Variants in ATP6V1B1 observed in about 807,000 individuals in gnomAD.
ATP6V1B1 encodes V-type proton ATPase subunit B, kidney isoform.
A neutral mutation model predicts 62.1 loss-of-function variants in ATP6V1B1; 41 were observed. The ratio of observed to expected loss-of-function variants is 0.66; its 90% confidence interval spans 0.51 to 0.86. ATP6V1B1 has a LOEUF of 0.86. Among genes scored for constraint, ATP6V1B1 ranks in the 40% least tolerant of loss-of-function variants. The pLI is 0.00. For synonymous variants in ATP6V1B1, 253 were observed against 273.4 expected, an observed-to-expected ratio of 0.93 and a Z score of 0.74; for missense variants, 651 against 697.5, an observed-to-expected ratio of 0.93 and a Z score of 0.75.
At chr2:70,939,196 CT>C (rs1679926984) in intron 1 of ATP6V1B1, 1 of 152,420 alleles carries the variant, frequency 6.6e-6, no homozygotes, top group Non-Finnish European at 1.5e-5. Flanking sequence ...CCCGCTGAGC[CT>C]TTGACAGAAA....
At chr2:70,936,757 T>C (rs1353381049) in intron 1 of ATP6V1B1, among the ~76,000 whole-genome samples, 1 of 152,174 alleles carries the variant, frequency 6.6e-6, no homozygotes, top group African/African-American at 2.4e-5. Flanking sequence ...AGAACACTTG[T>C]GTATGTGTTC....
At chr2:70,961,796 T>C in intron 8 of ATP6V1B1, 103 bp downstream of exon 8, 3 of 1,139,112 alleles carry the variant, frequency 2.6e-6, no homozygotes, top group South Asian at 2.5e-5. Context: ...ACTACAGCCA[T>C]ACGCCAGAGC....
At chr2:70,951,635 C>T (rs1468510888) in intron 2 of ATP6V1B1, among the ~76,000 whole-genome samples, 3 of 152,154 alleles carry the variant, frequency 2.0e-5, no homozygotes, top group African/African-American at 4.8e-5. Context: ...CGGCCAGGCG[C>T]GGTGGCTCAT....
At chr2:70,951,234 C>T (rs1281725944) in intron 2 of ATP6V1B1, among the ~76,000 whole-genome samples, 2 of 152,112 alleles carry the variant, frequency 1.3e-5, no homozygotes, top group Admixed American at 6.5e-5. Flanking sequence ...TGATCCACTG[C>T]GCCCGGCCTT....
chr2:70,956,648 G>A (rs936531973), intron 2 of ATP6V1B1, among the ~76,000 whole-genome samples: 1 of 152,068 alleles, frequency 6.6e-6, no homozygotes, highest in Non-Finnish European at 1.5e-5. Context: ...TGTTGGCCAG[G>A]CTGGAGTACA....
intron 2 of ATP6V1B1, 80 bp from the exon 3 acceptor site, chr2:70,957,966 T>C: frequency 2.3e-6 from 3 of 1,299,488 alleles, no homozygotes; most frequent in East Asian, 4.9e-5. Flanking sequence ...AGTTTGGGAC[T>C]GGGTCAGGGA....
chr2:70,938,933 TTCC>T (rs1288703794), intron 1 of ATP6V1B1, among the ~76,000 whole-genome samples: 6 of 152,238 alleles, frequency 3.9e-5, no homozygotes, highest in Non-Finnish European at 8.8e-5. Flanking sequence ...CCACCTCGGT[TTCC>T]TCAACTGGAA....
Position 70,936,063 on chromosome 2 carries a change from C to T in ATP6V1B1, c.109C>T (p.Pro37Ser). 3.1e-6 allele frequency: 5 copies of T among 1,614,030 alleles called. No individual in the cohort carries two copies. Among genetic ancestry groups the T allele is most frequent in the Non-Finnish European group, 3.4e-6 (4 of 1,179,936 alleles). ...QAVTRNYITH[P>S]RVTYRTVCSV... ...GGTCACCCGAAACTACATCACCCAC[C>T]CCCGTGTCAGTGAGTAGCCCCTCCA... Residue 37 changes from proline (P) to serine (S), a missense_variant, in exon 1 of 14, where the codon CCC (proline) becomes TCC (serine). Transcript: ENST00000234396.
chr2:70,965,120 A>AGCCCCGCGCGCCGTGGC lies in ATP6V1B1; in HGVS notation c.1542_*16dup. 6.2e-7 allele frequency: 1 copy of AGCCCCGCGCGCCGTGGC among 1,609,230 alleles called. No homozygotes were observed. Among genetic ancestry groups the AGCCCCGCGCGCCGTGGC allele is most frequent in the Non-Finnish European group, 8.5e-7 (1 of 1,179,886 alleles). ...GACCTCGCGCCTGACACTGCGCTCT[A>AGCCCCGCGCGCCGTGGC]GCCCCGCGCGCCGTGGCACCCCAAC... On this transcript the variant is annotated frameshift_variant and stop_retained_variant, in exon 14 of 14. Transcript: ENST00000234396. LOFTEE classifies it high-confidence loss of function.
chr2:70,941,321 C>G (rs1199701294), intron 1 of ATP6V1B1: 2 of 985,494 alleles, frequency 2.0e-6, no homozygotes, highest in African/African-American at 3.5e-5. Flanking sequence ...GGTGACAGGT[C>G]TTACTGCACC....
At position 70,965,261 on chromosome 2, in the gene ATP6V1B1, G is replaced by T. The variant is rs1680698683; in HGVS notation, c.*140G>T. 1 of 1,191,024 alleles carries T rather than the reference G, an allele frequency of 8.4e-7. No homozygotes were observed. Among genetic ancestry groups the T allele is most frequent in the Non-Finnish European group, 1.2e-6 (1 of 849,978 alleles). The allele number at this position is 1,191,024 out of a possible 1,614,324, so 73.8% of individuals were successfully genotyped here. ...CTCCGAGGTGGTGGGGGCGCCGCAC[G>T]CTCCATCCCTTTCCCTCGCTCGATT... On this transcript the variant is annotated 3_prime_UTR_variant, in exon 14 of 14. Transcript: ENST00000234396.
At position 70,963,328 on chromosome 2, in the gene ATP6V1B1, C is replaced by G; in HGVS notation, c.1060+16C>G. Reference sequence around the variant, plus strand: ...CCCAACGACGGTAGCCTCCTCACAGCCCACTACCCTCCAGAGCTCCCCTGT... The same window carrying G: ...CCCAACGACGGTAGCCTCCTCACAGGCCACTACCCTCCAGAGCTCCCCTGT... On this transcript the variant is annotated intron_variant, in intron 10 of 13. Transcript: ENST00000234396. This position sits in a 1 kb window ranked among gnomAD's most constrained non-coding sequence, Gnocchi z 4.3. 1 of 1,612,592 alleles carries G rather than the reference C, an allele frequency of 6.2e-7. No homozygotes were observed. Among genetic ancestry groups the G allele is most frequent in the South Asian group, 1.1e-5 (1 of 91,078 alleles).
Position 70,936,046 on chromosome 2 carries a change from GA to G in ATP6V1B1, c.95del (p.Asn32ThrfsTer16). On this transcript the variant is annotated frameshift_variant, in exon 1 of 14. Coordinates refer to ENST00000234396, the MANE Select transcript of ATP6V1B1 (RefSeq NM_001692.4). LOFTEE classifies it high-confidence loss of function. ...AAREHMQAVT[R>X]NYITHPRVTY... ...CGAGAACACATGCAGGCGGTCACCC[GA>G]AACTACATCACCCACCCCCGTGTCA... 6.2e-7 allele frequency: 1 copy of G among 1,613,824 alleles called. No homozygotes were observed. The highest frequency in any genetic ancestry group is 8.5e-7 in the Non-Finnish European group (1 of 1,179,858).
rs1209692886 is a variant in ATP6V1B1 at position 70,963,758 on chromosome 2, C to T, written c.1143+104C>T. The T allele has an allele frequency of 1.2e-5, 15 of 1,287,930 alleles. No individual in the cohort carries two copies. The highest frequency in any genetic ancestry group is 5.9e-5 in the African/African-American group (4 of 67,878). 79.8% of individuals were successfully genotyped at this position (1,287,930 alleles called of 1,614,324 possible). A position where few individuals can be genotyped will look rare whatever the true frequency, so the allele number is the denominator to read the frequency against. ...ATGAATTAGGAGGGGCCAGCCAAAG[C>T]GAACCCCAAACAGGAGACAGCCACA... On this transcript the variant is annotated intron_variant, in intron 11 of 13. Transcript: ENST00000234396. The surrounding 1 kb of genome is among the most constrained non-coding windows in gnomAD (Gnocchi z 4.3).
chr2:70,961,867 C>T, intron 8 of ATP6V1B1, 174 bp downstream of exon 8: 2 of 691,504 alleles, frequency 2.9e-6, no homozygotes, highest in Non-Finnish European at 5.1e-6. Flanking sequence ...GCTAGGAAAA[C>T]TCACAGGCAG....
intron 8 of ATP6V1B1, among the ~76,000 whole-genome samples, chr2:70,962,211 G>A (rs903931560): frequency 1.3e-5 from 2 of 152,148 alleles, no homozygotes; most frequent in Non-Finnish European, 2.9e-5. Context: ...GCTGAGGTAC[G>A]GTATTCAGGA....
At chr2:70,949,311 G>C (rs1680266246) in intron 2 of ATP6V1B1, among the ~76,000 whole-genome samples, 1 of 152,172 alleles carries the variant, frequency 6.6e-6, no homozygotes, top group Non-Finnish European at 1.5e-5. Context: ...TGGATGTACT[G>C]TAACTTACTC....
rs1311395080 is a variant in ATP6V1B1, at chr2:70,965,125, C to T, written c.*4C>T. 1.9e-6 allele frequency: 3 copies of T among 1,608,324 alleles called. No homozygotes were observed. The highest frequency in any genetic ancestry group is 2.5e-6 in the Non-Finnish European group (3 of 1,179,866). ...CGCGCCTGACACTGCGCTCTAGCCC[C>T]GCGCGCCGTGGCACCCCAACACCGG... On this transcript the variant is annotated 3_prime_UTR_variant, in exon 14 of 14. Coordinates refer to ENST00000234396, the MANE Select transcript of ATP6V1B1 (RefSeq NM_001692.4).
rs782549406 is a variant in ATP6V1B1 at position 70,964,840 on chromosome 2, GT to G, written c.1356del (p.Phe452LeufsTer35). 3 of 1,614,108 alleles carry G rather than the reference GT, an allele frequency of 1.9e-6. No individual in the cohort carries two copies. In the East Asian group the frequency reaches 6.7e-5, roughly 36 times the overall value. The part of the protein sequence containing the change: ...DLLYLEFLQK[F>X]EKNFINQGPY... Reference sequence around the variant, plus strand: ...TGCTCTACCTGGAATTCCTGCAGAAGTTTGAGAAGAACTTCATCAATCAGGG... The same window carrying G: ...TGCTCTACCTGGAATTCCTGCAGAAGTTGAGAAGAACTTCATCAATCAGGG... On this transcript the variant is annotated frameshift_variant, in exon 13 of 14. Transcript: ENST00000234396. LOFTEE classifies it high-confidence loss of function.
Sources: gnomAD v4.1 joint callset for allele counts (sites outside exome capture counted in the v4.1 genomes callset) on GRCh38, gnomAD v4.1.1 for gene constraint, Gnocchi (gnomAD v3.1) non-coding constraint, MANE v1.5 for transcripts, NCBI Gene and HGNC (gene_info 2026-07-23, HGNC 2026-07-21) for gene names.